IKZF4: variants seen among roughly 807,000 people sequenced by gnomAD.
The protein encoded by IKZF4 is zinc finger protein Eos.
In IKZF4, 11 loss-of-function variants were observed where a neutral mutation model predicts 47.7. The observed-to-expected ratio is 0.23, with a 90% confidence interval of 0.15 to 0.38. The LOEUF (loss-of-function observed/expected upper bound fraction) is 0.38, where lower values mean the gene tolerates loss of function less well. IKZF4 is among the 10% of genes least tolerant of loss of function. The pLI is 1.00. For synonymous variants in IKZF4, 298 were observed against 299.4 expected, an observed-to-expected ratio of 1.00 and a Z score of 0.05; for missense variants, 557 against 784.9, an observed-to-expected ratio of 0.71 and a Z score of 3.47.
At chr12:56,016,414 T>TTTTTC (rs1892063981), upstream of IKZF4, among the ~76,000 whole-genome samples, 1 of 151,266 alleles carries the variant, frequency 6.6e-6, no homozygotes, top group Non-Finnish European at 1.5e-5. Context: ...ATTTTCTTTT[T>TTTTTC]TTTTCTTTTC....
chr12:56,021,809 A>T (rs1322606665), intron 1 of IKZF4: 3 of 638,748 alleles, frequency 4.7e-6, no homozygotes, highest in Admixed American at 3.0e-5. Flanking sequence ...AAAGACGGCG[A>T]CTTGGACAGT....
At chr12:56,024,456 T>C (rs1302193035) in intron 2 of IKZF4, among the ~76,000 whole-genome samples, 1 of 152,242 alleles carries the variant, frequency 6.6e-6, no homozygotes, top group Non-Finnish European at 1.5e-5. Context: ...TAACCTCTTT[T>C]GTACCTCAGT....
At chr12:56,019,877 T>C (rs1033736748), upstream of IKZF4, among the ~76,000 whole-genome samples, 3 of 152,226 alleles carry the variant, frequency 2.0e-5, no homozygotes, top group African/African-American at 7.2e-5. Flanking sequence ...CTGCACAGGA[T>C]GGTTTTTGAA....
Position 56,021,069 on chromosome 12 carries a change from T to C in IKZF4, c.-425T>C. On this transcript the variant is annotated 5_prime_UTR_variant, in exon 1 of 8. Coordinates refer to ENST00000547167, the MANE Select transcript of IKZF4 (RefSeq NM_022465.4). Reference sequence around the variant, plus strand: ...CACTCTTGCCTCTCTCAGGCATTTGTTGTGCAGTTCCTCTTTGTCTGCTGG... The same window carrying C: ...CACTCTTGCCTCTCTCAGGCATTTGCTGTGCAGTTCCTCTTTGTCTGCTGG... 1 of 1,251,702 alleles carries C rather than the reference T, an allele frequency of 8.0e-7. No homozygotes were observed. Among genetic ancestry groups the C allele is most frequent in the African/African-American group, 1.5e-5 (1 of 65,270 alleles). The allele number at this position is 1,251,702 out of a possible 1,614,324, so 77.5% of individuals were successfully genotyped here. A position where few individuals can be genotyped will look rare whatever the true frequency, so the allele number is the denominator to read the frequency against.
rs1894158433 is a variant in IKZF4 at position 56,027,157 on chromosome 12, C to T, written c.547+116C>T. The T allele has an allele frequency of 3.7e-6, 4 of 1,067,020 alleles. No individual in the cohort carries two copies. In the South Asian group the frequency reaches 1.0e-4, roughly 27 times the overall value. 66.1% of individuals were successfully genotyped at this position (1,067,020 alleles called of 1,614,324 possible). ...AGGAGGTCATGCAGGGAGTGGGTAG[C>T]CTCAGAAAGGGAAGGGTCTCACCCA... On this transcript the variant is annotated intron_variant, in intron 4 of 7. Coordinates refer to ENST00000547167, the MANE Select transcript of IKZF4 (RefSeq NM_022465.4).
chr12:56,027,739 C>G (rs368946975), intron 4 of IKZF4, 41 bp from the exon 5 acceptor site: 1 of 1,595,994 alleles, frequency 6.3e-7, no homozygotes, highest in Non-Finnish European at 8.5e-7. Context: ...CTTCAAAGTT[C>G]CTCACATGCA....
At chr12:56,015,355 G>A (rs143020680) in intron 2 of IKZF4, among the ~76,000 whole-genome samples, 282 of 152,156 alleles carry the variant, frequency 1.9e-3, no homozygotes, top group African/African-American at 6.0e-3. Flanking sequence ...AATTACAGGC[G>A]TGAGCTACCA....
In IKZF4 at chr12:56,034,969, C is replaced by A. The variant is rs748239833; in HGVS notation, c.1396C>A (p.Arg466=). The A allele has an allele frequency of 1.3e-6, 2 of 1,561,414 alleles. No homozygotes were observed. The highest frequency in any genetic ancestry group is 3.7e-5 in the Admixed American group (2 of 54,160). Residue 466 remains arginine (R), a synonymous_variant, in exon 8 of 8, where the codon CGG becomes AGG. Coordinates refer to ENST00000547167, the MANE Select transcript of IKZF4 (RefSeq NM_022465.4). Reference sequence around the variant, plus strand: ...AGACACAGAAAGCAACCACGAAGATCGGGTTGCGGGGGTGGTATCCCTCCC... The same window carrying A: ...AGACACAGAAAGCAACCACGAAGATAGGGTTGCGGGGGTGGTATCCCTCCC... ...STDTESNHED[R]VAGVVSLPQG...
Position 56,027,011 on chromosome 12 carries a change from G to T in IKZF4, c.517G>T (p.Val173Leu). 6.4e-7 allele frequency: 1 copy of T among 1,566,380 alleles called. No individual in the cohort carries two copies. The highest frequency in any genetic ancestry group is 8.7e-7 in the Non-Finnish European group (1 of 1,153,922). ...VCGMVCIGPN[V>L]LMVHKRSHTG... ...CGGCATGGTCTGTATTGGACCCAAC[G>T]TGCTCATGGTGCACAAGCGCAGTCA... Residue 173 changes from valine (V) to leucine (L), a missense_variant, in exon 4 of 8, where the codon GTG (valine) becomes TTG (leucine). This residue lies in a region of IKZF4 where 27 missense variants were observed against 85.4 expected (regional missense o/e 0.32). Transcript: ENST00000547167.
rs1405423566 is a variant in IKZF4, at chr12:56,034,884, G to T, written c.1311G>T (p.Arg437=). 6.2e-7 allele frequency: 1 copy of T among 1,607,638 alleles called. No homozygotes were observed. The highest frequency in any genetic ancestry group is 2.2e-5 in the East Asian group (1 of 44,576). Reference sequence around the variant, plus strand: ...CTGATGGAGGTCCCCTCCTCTACCGGCCCCGAGGCCCCCTGACTGACCCTG... The same window carrying T: ...CTGATGGAGGTCCCCTCCTCTACCGTCCCCGAGGCCCCCTGACTGACCCTG... The part of the protein sequence containing the change: ...DLADGGPLLY[R]PRGPLTDPGA... Residue 437 remains arginine, a synonymous_variant, in exon 8 of 8, where the codon CGG becomes CGT. Transcript: ENST00000547167.
At chr12:56,013,685 G>A (rs759245385) in intron 2 of IKZF4, among the ~76,000 whole-genome samples, 4 of 152,156 alleles carry the variant, frequency 2.6e-5, no homozygotes, top group South Asian at 2.1e-4. Context: ...GGGAGGAGGT[G>A]CTTTAAGGGG....
intron 7 of IKZF4, among the ~76,000 whole-genome samples, chr12:56,033,949 G>A (rs1039294204): frequency 2.6e-5 from 4 of 152,070 alleles, no homozygotes; most frequent in Admixed American, 2.0e-4. Flanking sequence ...GCCCAGGCTA[G>A]AATGCAGTGG....
chr12:56,031,940 A>G (rs1025280516), intron 5 of IKZF4, among the ~76,000 whole-genome samples: 5 of 151,950 alleles, frequency 3.3e-5, no homozygotes, highest in Admixed American at 2.0e-4. Context: ...CTCTCTTGGT[A>G]TCTCAGCGTA....
At chr12:56,025,033 C>G in intron 2 of IKZF4, 21 bp from the exon 3 acceptor site, 2 of 1,564,932 alleles carry the variant, frequency 1.3e-6, no homozygotes, top group Non-Finnish European at 1.7e-6. Context: ...CTTTACCTGC[C>G]CTCTTGTTCT....
At chr12:56,019,526 C>CT, upstream of IKZF4, 1 of 216,710 alleles carries the variant, frequency 4.6e-6, no homozygotes, top group Non-Finnish European at 7.9e-6. Flanking sequence ...ATCAGGTAGA[C>CT]TCATTTAATT....
chr12:56,033,447 T>G, intron 7 of IKZF4, 126 bp downstream of exon 7: 1 of 1,198,754 alleles, frequency 8.3e-7, no homozygotes, highest in Non-Finnish European at 1.2e-6. Context: ...GTGGCTCACG[T>G]CTGTAATCCC....
chr12:56,021,265 C>T lies in IKZF4; in HGVS notation c.-229C>T. ...CACATCCAAGCGTGCTCTCCCCTCTCCTTCTCTCCCTCTCTCTCTCTCTCT... is the reference window on the plus strand; with the variant it reads ...CACATCCAAGCGTGCTCTCCCCTCTTCTTCTCTCCCTCTCTCTCTCTCTCT... On this transcript the variant is annotated 5_prime_UTR_variant, in exon 1 of 8. Transcript: ENST00000547167. The T allele has an allele frequency of 6.9e-7, 1 of 1,444,764 alleles. No homozygotes were observed. The highest frequency in any genetic ancestry group is 2.4e-5 in the Admixed American group (1 of 41,486). 89.5% of individuals were successfully genotyped at this position (1,444,764 alleles called of 1,614,324 possible). A position where few individuals can be genotyped will look rare whatever the true frequency, so the allele number is the denominator to read the frequency against.
chr12:56,009,376 A>T (rs1729013575), intron 1 of IKZF4, among the ~76,000 whole-genome samples: 1 of 152,206 alleles, frequency 6.6e-6, no homozygotes, highest in African/African-American at 2.4e-5. Context: ...AATCTTTGAA[A>T]GCATAGTGTT....
chr12:56,013,716 C>A (rs764441768), intron 2 of IKZF4, among the ~76,000 whole-genome samples: 1 of 152,052 alleles, frequency 6.6e-6, no homozygotes, highest in African/African-American at 2.4e-5. Context: ...GAAGGCTGGG[C>A]GGGATGTGCT....
Sources: allele counts gnomAD v4.1 joint callset (sites outside exome capture counted in the v4.1 genomes callset), GRCh38; gene constraint gnomAD v4.1.1; regional missense constraint gnomAD v4.1.1; transcripts MANE v1.5; gene names NCBI Gene and HGNC (gene_info 2026-07-23, HGNC 2026-07-21).